The following CSMD1 variants were observed in gnomAD, a reference collection of about 807,000 sequenced individuals.
CSMD1 encodes the protein CUB and Sushi multiple domains 1, also known as CUB and sushi domain-containing protein 1.
In CSMD1, 213 loss-of-function variants were observed where a neutral mutation model predicts 417.5. The ratio of observed to expected loss-of-function variants is 0.51; its 90% CI spans 0.46 to 0.57. The LOEUF (loss-of-function observed/expected upper bound fraction) is 0.57. CSMD1 is among the 20% of genes least tolerant of loss of function. The pLI is 0.00. For synonymous variants in CSMD1, 2,862 were observed against 1,736.8 expected, an observed-to-expected ratio of 1.65 and a Z score of -16.11; for missense variants, 6,923 against 4,529.7, an observed-to-expected ratio of 1.53 and a Z score of -15.17.
intron 1 of CSMD1, among the ~76,000 whole-genome samples, chr8:4,665,969 T>G (rs1219833715): frequency 1.3e-5 from 2 of 152,194 alleles, no homozygotes; most frequent in Admixed American, 1.3e-4. Flanking sequence ...GCGTTCCTAT[T>G]AGGAATATGT....
intron 5 of CSMD1, among the ~76,000 whole-genome samples, chr8:3,945,207 A>C (rs1425960396): frequency 1.3e-5 from 2 of 150,970 alleles, no homozygotes; most frequent in Non-Finnish European, 2.9e-5. Context: ...ACAGAAGCTA[A>C]CTATTTCTTC....
intron 25 of CSMD1, among the ~76,000 whole-genome samples, chr8:3,286,050 C>G (rs1044181722): frequency 2.0e-5 from 3 of 152,064 alleles, no homozygotes; most frequent in Non-Finnish European, 4.4e-5. Context: ...CTGTTCAACT[C>G]CCACCTATGA....
At chr8:3,982,867 G>C (rs903480530) in intron 5 of CSMD1, among the ~76,000 whole-genome samples, 2 of 152,180 alleles carry the variant, frequency 1.3e-5, no homozygotes, top group Admixed American at 1.3e-4. Context: ...CAAGGACAAA[G>C]CTAAACCATT....
intron 37 of CSMD1, 131 bp from the exon 38 acceptor site, chr8:3,162,408 T>C: frequency 1.5e-6 from 1 of 650,068 alleles, no homozygotes; most frequent in Admixed American, 2.4e-5. Flanking sequence ...TTTCTCTTGT[T>C]ATTCTACCAA....
intron 5 of CSMD1, among the ~76,000 whole-genome samples, chr8:3,901,772 T>C (rs1328672276): frequency 6.6e-6 from 1 of 152,234 alleles, no homozygotes; most frequent in Non-Finnish European, 1.5e-5. Flanking sequence ...CAACATAATT[T>C]CTGGCGTCAA....
chr8:4,443,477 T>A (rs542862996), intron 2 of CSMD1, among the ~76,000 whole-genome samples: 58 of 152,340 alleles, frequency 3.8e-4, no homozygotes, highest in African/African-American at 1.3e-3. Context: ...TATCTTTTCA[T>A]CTTATGTGTT....
At chr8:3,028,077 A>G (rs1412747653) in intron 51 of CSMD1, among the ~76,000 whole-genome samples, 1 of 152,234 alleles carries the variant, frequency 6.6e-6, no homozygotes, top group Non-Finnish European at 1.5e-5. Flanking sequence ...CAGAGAGACA[A>G]GAAAACGCTG....
At chr8:4,817,726 T>C (rs755240943) in intron 1 of CSMD1, among the ~76,000 whole-genome samples, 10 of 152,226 alleles carry the variant, frequency 6.6e-5, no homozygotes, top group Non-Finnish European at 1.3e-4. Context: ...ATTTTGTTTG[T>C]AGTCGAATTA....
At chr8:3,176,406 A>C (rs1278506555) in intron 37 of CSMD1, among the ~76,000 whole-genome samples, 1 of 152,172 alleles carries the variant, frequency 6.6e-6, no homozygotes, top group East Asian at 1.9e-4. Flanking sequence ...ACAGATAGAT[A>C]GATCTCATTA....
intron 1 of CSMD1, among the ~76,000 whole-genome samples, chr8:4,781,809 G>A (rs1488844713): frequency 6.6e-6 from 1 of 152,100 alleles, no homozygotes; most frequent in Non-Finnish European, 1.5e-5. Flanking sequence ...TCTCACCTAG[G>A]CCAGTAAAAC....
chr8:3,508,961 T>C (rs962009132), intron 10 of CSMD1, among the ~76,000 whole-genome samples: 3 of 152,194 alleles, frequency 2.0e-5, no homozygotes, highest in Non-Finnish European at 4.4e-5. Context: ...TGCTTAGTAT[T>C]TCTGAGCTCA....
intron 10 of CSMD1, among the ~76,000 whole-genome samples, chr8:3,512,481 G>A (rs748828834): frequency 6.6e-6 from 1 of 151,988 alleles, no homozygotes; most frequent in African/African-American, 2.4e-5. Flanking sequence ...GATGCTGTAA[G>A]AGGCACTGAA....
intron 3 of CSMD1, among the ~76,000 whole-genome samples, chr8:4,043,112 G>A (rs763846913): frequency 2.6e-5 from 4 of 152,006 alleles, no homozygotes; most frequent in African/African-American, 9.7e-5. Flanking sequence ...CAGCCTGGGT[G>A]AGACAGTGAG....
At chr8:3,333,275 T>A (rs1237050730) in intron 23 of CSMD1, among the ~76,000 whole-genome samples, 1 of 152,108 alleles carries the variant, frequency 6.6e-6, no homozygotes, top group African/African-American at 2.4e-5. Context: ...CCACGGATGC[T>A]GTGAGATAAG....
chr8:4,856,085 C>G (rs1316863807), intron 1 of CSMD1, among the ~76,000 whole-genome samples: 1 of 152,102 alleles, frequency 6.6e-6, no homozygotes, highest in African/African-American at 2.4e-5. Flanking sequence ...ACCCTGCAAG[C>G]CAGAAGAGAG....
intron 3 of CSMD1, among the ~76,000 whole-genome samples, chr8:4,130,910 A>G (rs79296463): frequency 0.027 from 4,174 of 152,022 alleles, 197 homozygotes; most frequent in African/African-American, 0.094. Flanking sequence ...CATTGGATGG[A>G]CGGATTAATT....
intron 3 of CSMD1, among the ~76,000 whole-genome samples, chr8:4,401,106 C>T (rs1258768118): frequency 2.0e-5 from 3 of 151,914 alleles, no homozygotes; most frequent in Non-Finnish European, 4.4e-5. Context: ...TGAAGATAAC[C>T]TTCTTCAGCT....
At chr8:3,494,905 A>G (rs189909005) in intron 10 of CSMD1, among the ~76,000 whole-genome samples, 1 of 152,344 alleles carries the variant, frequency 6.6e-6, no homozygotes, top group Non-Finnish European at 1.5e-5. Flanking sequence ...GTGGTAGCAT[A>G]GAGAAGACAG....
intron 1 of CSMD1, among the ~76,000 whole-genome samples, chr8:4,992,332 C>T (rs1055524556): frequency 3.3e-5 from 5 of 152,242 alleles, no homozygotes; most frequent in African/African-American, 1.2e-4. Flanking sequence ...GAGCTAGGGC[C>T]GCCGCGGTCT....
Sources: gnomAD v4.1 joint callset for allele counts (sites outside exome capture counted in the v4.1 genomes callset) on GRCh38, gnomAD v4.1.1 for gene constraint, MANE v1.5 for transcripts, NCBI Gene and HGNC (gene_info 2026-07-23, HGNC 2026-07-21) for gene names.